Variants in TBC1D5 observed in about 807,000 individuals in gnomAD.
TBC1D5 encodes the protein TBC1 domain family, member 5.
Under a neutral mutation model 100.3 loss-of-function variants are expected in TBC1D5, and 75 were observed. The ratio of observed to expected loss-of-function variants is 0.75; its 90% CI spans 0.62 to 0.91. TBC1D5 has a LOEUF of 0.91. Ranked by LOEUF, TBC1D5 falls within the 40% of genes least tolerant of loss-of-function variation. TBC1D5 has a pLI of 0.00. For missense variants in TBC1D5, 910 were observed against 942.4 expected, an observed-to-expected ratio of 0.97 and a Z score of 0.45; for synonymous variants, 323 against 325.6, an observed-to-expected ratio of 0.99 and a Z score of 0.09.
chr3:17,533,889 C>CAGATAGACAGATAGATAGAT (rs1553822294), intron 2 of TBC1D5, among the ~76,000 whole-genome samples: 14 of 151,940 alleles, frequency 9.2e-5, no homozygotes, highest in African/African-American at 3.4e-4. Context: ...ACCTATCATT[C>CAGATAGACAGATAGATAGAT]AGATAGATAG....
intron 8 of TBC1D5, among the ~76,000 whole-genome samples, chr3:17,398,904 T>A (rs2093577578): frequency 6.6e-6 from 1 of 152,036 alleles, no homozygotes; most frequent in African/African-American, 2.4e-5. Flanking sequence ...TTAAATAATA[T>A]TAAAAAGTTA....
intron 2 of TBC1D5, among the ~76,000 whole-genome samples, chr3:17,511,027 G>C (rs1193068500): frequency 2.0e-5 from 3 of 151,264 alleles, no homozygotes; most frequent in South Asian, 2.1e-4. Context: ...AAAAAGACCA[G>C]GTATAAAAAA....
At chr3:17,716,237 TCCACTACAGCAA>T (rs746207887) in intron 1 of TBC1D5, among the ~76,000 whole-genome samples, 3 of 152,120 alleles carry the variant, frequency 2.0e-5, no homozygotes, top group Non-Finnish European at 4.4e-5. Context: ...GTCTACTACC[TCCACTACAGCAA>T]CCACCAGAAC....
chr3:17,586,684 C>G (rs1159752778), intron 2 of TBC1D5: 2 of 152,082 alleles, frequency 1.3e-5, no homozygotes, highest in Admixed American at 1.3e-4. Context: ...CAATTTCTAT[C>G]AAAATATTTT....
intron 14 of TBC1D5, among the ~76,000 whole-genome samples, chr3:17,295,801 A>C (rs1207437962): frequency 6.6e-6 from 1 of 152,232 alleles, no homozygotes; most frequent in African/African-American, 2.4e-5. Context: ...CTCCCCAAAA[A>C]TATCACTTAT....
chr3:17,171,794 G>A (rs1252306328), intron 19 of TBC1D5, among the ~76,000 whole-genome samples: 2 of 152,194 alleles, frequency 1.3e-5, no homozygotes, highest in South Asian at 2.1e-4. Context: ...ATTGGACCTA[G>A]TACAGCAGCC....
intron 1 of TBC1D5, among the ~76,000 whole-genome samples, chr3:17,702,941 C>T (rs1560508425): frequency 6.6e-6 from 1 of 152,060 alleles, no homozygotes; most frequent in Admixed American, 6.5e-5. Flanking sequence ...AATAAGAAAA[C>T]TTCTCCAAAC....
intron 18 of TBC1D5, among the ~76,000 whole-genome samples, chr3:17,213,733 C>CAAA (rs71632897): frequency 5.7e-4 from 35 of 61,070 alleles, no homozygotes; most frequent in East Asian, 2.1e-3. Context: ...GACTCTGTCT[C>CAAA]AAAAAAAAAA....
At chr3:17,546,792 A>AT (rs2096419835) in intron 2 of TBC1D5, among the ~76,000 whole-genome samples, 1 of 151,996 alleles carries the variant, frequency 6.6e-6, no homozygotes, top group South Asian at 2.1e-4. Context: ...TCAAAAAAAA[A>AT]AAAAAAGAAA....
At chr3:17,457,918 C>A (rs931428841) in intron 3 of TBC1D5, among the ~76,000 whole-genome samples, 2 of 152,186 alleles carry the variant, frequency 1.3e-5, no homozygotes, top group African/African-American at 2.4e-5. Flanking sequence ...ACACTCAGTG[C>A]TCTACAGGCT....
intron 16 of TBC1D5, among the ~76,000 whole-genome samples, chr3:17,243,557 T>G (rs2076481522): frequency 6.6e-6 from 1 of 151,952 alleles, no homozygotes; most frequent in African/African-American, 2.4e-5. Context: ...ACTAAAAAAT[T>G]TGCAATTTAA....
intron 8 of TBC1D5, among the ~76,000 whole-genome samples, chr3:17,399,072 G>C (rs188332794): frequency 6.6e-6 from 1 of 152,162 alleles, no homozygotes; most frequent in East Asian, 1.9e-4. Flanking sequence ...CAGCAGAGGA[G>C]AGCATGAAAG....
At chr3:17,224,115 T>A (rs1303547905) in intron 17 of TBC1D5, among the ~76,000 whole-genome samples, 1 of 152,194 alleles carries the variant, frequency 6.6e-6, no homozygotes. Context: ...ACAGAAAATA[T>A]CTGATGGTCA....
At chr3:17,299,270 T>C (rs2082577756) in intron 14 of TBC1D5, among the ~76,000 whole-genome samples, 1 of 151,982 alleles carries the variant, frequency 6.6e-6, no homozygotes, top group Non-Finnish European at 1.5e-5. Context: ...CAGAACAGAG[T>C]GGGGTGGCTA....
chr3:17,477,132 T>A (rs772184835), intron 3 of TBC1D5, among the ~76,000 whole-genome samples: 1 of 151,994 alleles, frequency 6.6e-6, no homozygotes, highest in African/African-American at 2.4e-5. Context: ...TGAATTTTTT[T>A]AATGTTTCCC....
intron 8 of TBC1D5, among the ~76,000 whole-genome samples, chr3:17,393,682 C>A (rs1171146203): frequency 6.6e-6 from 1 of 152,050 alleles, no homozygotes; most frequent in Non-Finnish European, 1.5e-5. Flanking sequence ...CATCTACAAC[C>A]ACCTGATCTT....
chr3:17,397,784 C>G (rs559627636), intron 8 of TBC1D5, among the ~76,000 whole-genome samples: 2 of 152,204 alleles, frequency 1.3e-5, no homozygotes, highest in Admixed American at 6.5e-5. Context: ...ACTAGAAATA[C>G]AAAAGATCAA....
intron 13 of TBC1D5, among the ~76,000 whole-genome samples, chr3:17,355,757 G>A (rs2091161283): frequency 1.3e-5 from 2 of 151,756 alleles, no homozygotes; most frequent in South Asian, 4.2e-4. Flanking sequence ...GTGTTTTGAG[G>A]GTTTTACTCA....
intron 2 of TBC1D5, among the ~76,000 whole-genome samples, chr3:17,512,283 T>C (rs1043923133): frequency 2.0e-5 from 3 of 152,078 alleles, no homozygotes; most frequent in African/African-American, 2.4e-5. Context: ...CCTGCAAATA[T>C]CAAACTATAA....
Sources: allele counts gnomAD v4.1 joint callset (sites outside exome capture counted in the v4.1 genomes callset), GRCh38; gene constraint gnomAD v4.1.1; transcripts MANE v1.5; gene names NCBI Gene and HGNC (gene_info 2026-07-23, HGNC 2026-07-21).